ANO5: variants seen among roughly 807,000 people sequenced by gnomAD.
ANO5 encodes the protein anoctamin 5.
In ANO5, 109 loss-of-function variants were observed where a neutral mutation model predicts 121.0. The ratio of observed to expected loss-of-function variants is 0.90; its 90% CI spans 0.77 to 1.06. The LOEUF (loss-of-function observed/expected upper bound fraction) is 1.06. ANO5 is among the 50% of genes least tolerant of loss of function. ANO5 has a pLI of 0.00. For synonymous variants in ANO5, 406 were observed against 359.9 expected (o/e 1.13, Z -1.45); for missense variants, 1,064 against 1,078.5 (o/e 0.99, Z 0.19).
At chr11:22,237,801 C>T (rs536274116) in intron 8 of ANO5, among the ~76,000 whole-genome samples, 2 of 151,864 alleles carry the variant, frequency 1.3e-5, no homozygotes, top group South Asian at 4.2e-4. Context: ...TTCAACAGCC[C>T]TTGAACACAT....
intron 9 of ANO5, among the ~76,000 whole-genome samples, chr11:22,248,387 G>C (rs1853692809): frequency 6.6e-6 from 1 of 152,002 alleles, no homozygotes; most frequent in Non-Finnish European, 1.5e-5. Context: ...AGCTTTTGTA[G>C]AGTGTCTCAT....
chr11:22,256,736 TTTTG>T (rs1854012373), intron 13 of ANO5, among the ~76,000 whole-genome samples: 3 of 121,716 alleles, frequency 2.5e-5, no homozygotes, highest in African/African-American at 1.9e-4. Context: ...TTTTTTTTTG[TTTTG>T]TTTTGTTTTG....
chr11:22,217,976 A>G (rs188363906), intron 3 of ANO5, among the ~76,000 whole-genome samples: 17 of 151,970 alleles, frequency 1.1e-4, no homozygotes, highest in Middle Eastern at 6.8e-3. Flanking sequence ...AAATCCACAA[A>G]TATTTATTAT....
chr11:22,206,847 G>A (rs182422184), intron 2 of ANO5, among the ~76,000 whole-genome samples: 3 of 152,042 alleles, frequency 2.0e-5, no homozygotes, highest in Middle Eastern at 3.4e-3. Context: ...CACTTTCTTC[G>A]TAAGATCAGA....
chr11:22,265,580 G>A (rs1854330918), intron 17 of ANO5, among the ~76,000 whole-genome samples: 1 of 152,098 alleles, frequency 6.6e-6, no homozygotes, highest in African/African-American at 2.4e-5. Flanking sequence ...TAGAATTTGT[G>A]TGGGGAGAAC....
At chr11:22,193,612 G>T in intron 1 of ANO5, 80 bp downstream of exon 1, 1 of 1,539,914 alleles carries the variant, frequency 6.5e-7, no homozygotes, top group East Asian at 2.3e-5. Context: ...GAGGCCCCGG[G>T]GGACGTTGGC....
chr11:22,231,142 T>A (rs1467790822), intron 7 of ANO5, among the ~76,000 whole-genome samples: 1 of 151,994 alleles, frequency 6.6e-6, no homozygotes, highest in Admixed American at 6.6e-5. Context: ...ATTTTGAAAA[T>A]TAAATAATTA....
intron 3 of ANO5, among the ~76,000 whole-genome samples, chr11:22,217,296 T>C (rs1053277198): frequency 4.6e-5 from 7 of 152,006 alleles, no homozygotes; most frequent in Non-Finnish European, 1.0e-4. Context: ...CTTTCAAATA[T>C]AGTTGAGTAT....
chr11:22,194,313 T>C (rs1851743283), intron 1 of ANO5, among the ~76,000 whole-genome samples: 1 of 152,240 alleles, frequency 6.6e-6, no homozygotes, highest in African/African-American at 2.4e-5. Flanking sequence ...TCATGTCTTG[T>C]TTAGTGTTGG....
chr11:22,220,834 T>C (rs1852616309), intron 4 of ANO5, among the ~76,000 whole-genome samples: 1 of 151,990 alleles, frequency 6.6e-6, no homozygotes, highest in Non-Finnish European at 1.5e-5. Flanking sequence ...GAGATCAATT[T>C]ATACATATAT....
Position 22,275,586 on chromosome 11 carries a change from G to A in ANO5, c.2415-508G>A, listed in dbSNP as rs142231201. On this transcript the variant is annotated intron_variant, in intron 20 of 21. Transcript: ENST00000324559. The stretch of plus-strand genomic sequence containing the variant: ...TTATAGAAGAGAATGAACTCACAAA[G>A]TTGAACATTAAGAAAACTTCAGAAT... Among the ~76,000 whole-genome samples, 451 of 151,922 alleles carry A rather than the reference G, an allele frequency of 3.0e-3. 2 individuals are homozygous for A. Among genetic ancestry groups the A allele is most frequent in the African/African-American group, 0.01 (419 of 41,504 alleles).
At position 22,274,717 on chromosome 11, in the gene ANO5, C is replaced by T. The variant is rs1470169073; in HGVS notation, c.2384C>T (p.Pro795Leu). Residue 795 changes from proline (P) to leucine (L), a missense_variant, in exon 20 of 22, where the codon CCT becomes CTT. Physicochemically the swap from Pro to Leu is moderately conservative, Grantham distance 98. Coordinates refer to ENST00000324559, the MANE Select transcript of ANO5 (RefSeq NM_213599.3). Reference sequence around the variant, plus strand: ...GCTGATTTTCCAAACCACACTGCACCTTCGGAAAAACGAGACTTCATCACT... The same window carrying T: ...GCTGATTTTCCAAACCACACTGCACTTTCGGAAAAACGAGACTTCATCACT... ...LIADFPNHTA[P>L]SEKRDFITCR... is the part of the protein sequence containing the mutation. The T allele has an allele frequency of 1.2e-6, 2 of 1,613,296 alleles. No homozygotes were observed. The highest frequency in any genetic ancestry group is 1.7e-6 in the Non-Finnish European group (2 of 1,179,566).
chr11:22,229,751 T>C (rs1022679108), intron 7 of ANO5, among the ~76,000 whole-genome samples: 3 of 152,020 alleles, frequency 2.0e-5, no homozygotes, highest in Non-Finnish European at 4.4e-5. Flanking sequence ...TTGTTCTTTG[T>C]GAACAGTGTC....
In ANO5 at chr11:22,259,621, G is replaced by T. The variant is rs1040900627; in HGVS notation, c.1510G>T (p.Val504Phe). 3 of 1,613,914 alleles carry T rather than the reference G, an allele frequency of 1.9e-6. No individual in the cohort carries two copies. Among genetic ancestry groups the T allele is most frequent in the Non-Finnish European group, 2.5e-6 (3 of 1,179,988 alleles). ...GGAAAGTGATGCATCCTTAAAGCAG[G>T]TCAAAAGCTTCCTTACTCCTCAGAT... ...FMESDASLKQ[V>F]KSFLTPQITT... The change falls in exon 15 of 22, where the codon GTC (valine) becomes TTC (phenylalanine). Residue 504 changes from valine to phenylalanine, a missense_variant. Val to Phe is a conservative substitution (Grantham distance 50). Coordinates refer to ENST00000324559, the MANE Select transcript of ANO5 (RefSeq NM_213599.3).
chr11:22,211,330 T>C lies in ANO5; in HGVS notation c.138+16T>C. 6.2e-7 allele frequency: 1 copy of C among 1,610,754 alleles called. No homozygotes were observed. Among genetic ancestry groups the C allele is most frequent in the East Asian group, 2.2e-5 (1 of 44,810 alleles). On this transcript the variant is annotated intron_variant, in intron 3 of 21. Coordinates refer to ENST00000324559, the MANE Select transcript of ANO5 (RefSeq NM_213599.3). ...AGAAACAATGGTAAGCAGCGACCAG[T>C]ACTATCCTTTCTTGCATGGACACAA...
At chr11:22,228,637 T>C (rs1026814571) in intron 7 of ANO5, among the ~76,000 whole-genome samples, 1 of 151,940 alleles carries the variant, frequency 6.6e-6, no homozygotes, top group Non-Finnish European at 1.5e-5. Context: ...CTCCCCATTC[T>C]TTCCTCCCCC....
At position 22,281,188 on chromosome 11, in the gene ANO5, T is replaced by C. The variant is rs1855062232; in HGVS notation, c.*1423T>C. 1 of 151,980 alleles carries C rather than the reference T, an allele frequency of 6.6e-6. No individual in the cohort carries two copies. The highest frequency in any genetic ancestry group is 1.5e-5 in the Non-Finnish European group (1 of 67,904). The allele number at this position is 151,980 out of a possible 1,614,324, so 9.4% of individuals were successfully genotyped here. ...CTCCAGTTTCAAATTATAATTCACC[T>C]CCAAAAGAATAGTTTTTTAATCACA... On this transcript the variant is annotated 3_prime_UTR_variant, in exon 22 of 22. Transcript: ENST00000324559.
intron 21 of ANO5, among the ~76,000 whole-genome samples, chr11:22,276,557 G>A (rs12276644): frequency 0.012 from 1,748 of 151,754 alleles, 33 homozygotes; most frequent in African/African-American, 0.039. Context: ...AGACCTTATC[G>A]CTCACCTTTG....
In ANO5 at chr11:22,281,429, C is replaced by CTGAG. The variant is rs886048134; in HGVS notation, c.*1666_*1669dup. 6 of 152,016 alleles carry CTGAG rather than the reference C, an allele frequency of 3.9e-5. No individual in the cohort carries two copies. The highest frequency in any genetic ancestry group is 7.4e-5 in the Non-Finnish European group (5 of 67,910). 9.4% of individuals were successfully genotyped at this position (152,016 alleles called of 1,614,324 possible). A position where few individuals can be genotyped will look rare whatever the true frequency, so the allele number is the denominator to read the frequency against. On this transcript the variant is annotated 3_prime_UTR_variant, in exon 22 of 22. Coordinates refer to ENST00000324559, the MANE Select transcript of ANO5 (RefSeq NM_213599.3). ...ATCCCCAGTACTGATTTGTCATCCACTGAGTAGACTTTATGAATATTTTGG... is the reference window on the plus strand; with the variant it reads ...ATCCCCAGTACTGATTTGTCATCCACTGAGTGAGTAGACTTTATGAATATTTTGG...
Sources: allele counts gnomAD v4.1 joint callset (sites outside exome capture counted in the v4.1 genomes callset), GRCh38; gene constraint gnomAD v4.1.1; transcripts MANE v1.5; gene names NCBI Gene and HGNC (gene_info 2026-07-23, HGNC 2026-07-21).